The following SOX5 variants were observed in gnomAD, a reference collection of about 807,000 sequenced individuals.
SOX5 encodes transcription factor SOX-5.
Under a neutral mutation model 92.0 loss-of-function variants are expected in SOX5, and 9 were observed. The observed-to-expected ratio is 0.10, with a 90% confidence interval of 0.06 to 0.17. The LOEUF (loss-of-function observed/expected upper bound fraction) is 0.17, where lower values mean the gene tolerates loss of function less well. Ranked by LOEUF, SOX5 falls within the 10% of genes least tolerant of loss-of-function variation. The probability of loss-of-function intolerance (pLI) is 1.00; values close to 1 mark genes in which losing one functional copy is unlikely to be tolerated. For missense variants in SOX5, 642 were observed against 944.5 expected, an observed-to-expected ratio of 0.68 and a Z score of 4.20; for synonymous variants, 344 against 336.3, an observed-to-expected ratio of 1.02 and a Z score of -0.25.
intron 1 of SOX5, among the ~76,000 whole-genome samples, chr12:24,370,018 A>G (rs1376604694): frequency 6.6e-6 from 1 of 152,202 alleles, no homozygotes; most frequent in Non-Finnish European, 1.5e-5. Context: ...CCTATTCCCA[A>G]TAATAGATAT....
chr12:23,543,989 G>A (rs1285840322), intron 12 of SOX5, among the ~76,000 whole-genome samples: 1 of 152,198 alleles, frequency 6.6e-6, no homozygotes, highest in East Asian at 1.9e-4. Context: ...ATACAGCAAT[G>A]ACAGGTCTGC....
chr12:24,010,603 G>A (rs772979131), intron 4 of SOX5, among the ~76,000 whole-genome samples: 1 of 152,156 alleles, frequency 6.6e-6, no homozygotes, highest in Non-Finnish European at 1.5e-5. Flanking sequence ...GCTACCAAGT[G>A]CTGTGCATTT....
chr12:23,861,880 A>G (rs1015906561), intron 2 of SOX5, among the ~76,000 whole-genome samples: 1 of 152,190 alleles, frequency 6.6e-6, no homozygotes, highest in Non-Finnish European at 1.5e-5. Context: ...AATAATTAAA[A>G]AGATCCTATT....
intron 3 of SOX5, among the ~76,000 whole-genome samples, chr12:24,249,945 A>C (rs1939692844): frequency 6.6e-6 from 1 of 152,192 alleles, no homozygotes. Flanking sequence ...TAGTATCACG[A>C]TATTTAAACC....
intron 1 of SOX5, among the ~76,000 whole-genome samples, chr12:24,450,337 C>CT: frequency 6.6e-6 from 1 of 152,136 alleles, no homozygotes; most frequent in South Asian, 2.1e-4. Context: ...CAATCATCTT[C>CT]TTTTTTAATT....
chr12:23,757,500 C>T (rs1336178659), intron 3 of SOX5, among the ~76,000 whole-genome samples: 1 of 151,922 alleles, frequency 6.6e-6, no homozygotes, highest in East Asian at 1.9e-4. Flanking sequence ...TTCTACATTC[C>T]CAGTAAACAG....
intron 2 of SOX5, among the ~76,000 whole-genome samples, chr12:24,303,307 T>C (rs1948200472): frequency 6.6e-6 from 1 of 151,890 alleles, no homozygotes; most frequent in Non-Finnish European, 1.5e-5. Flanking sequence ...GTTAATAGCA[T>C]ATTACAGTAA....
intron 1 of SOX5, among the ~76,000 whole-genome samples, chr12:23,935,385 C>T (rs765876500): frequency 6.6e-6 from 1 of 151,254 alleles, no homozygotes; most frequent in African/African-American, 2.4e-5. Context: ...TTAAGAATTA[C>T]TATACTGTAA....
intron 4 of SOX5, among the ~76,000 whole-genome samples, chr12:24,034,285 G>T (rs946046639): frequency 6.6e-6 from 1 of 152,008 alleles, no homozygotes; most frequent in Non-Finnish European, 1.5e-5. Context: ...GGAAACAAAA[G>T]GCAGATTATT....
chr12:23,678,064 C>T (rs1422217994), intron 6 of SOX5, among the ~76,000 whole-genome samples: 1 of 152,078 alleles, frequency 6.6e-6, no homozygotes, highest in Non-Finnish European at 1.5e-5. Context: ...CTCACTAGAA[C>T]ACTTGTCACT....
intron 3 of SOX5, among the ~76,000 whole-genome samples, chr12:23,800,542 C>T (rs1220913300): frequency 6.6e-6 from 1 of 151,402 alleles, no homozygotes; most frequent in Non-Finnish European, 1.5e-5. Context: ...GTTTAGGTAT[C>T]ACTCTTTAAA....
At chr12:24,266,734 C>T (rs577332893) in intron 3 of SOX5, among the ~76,000 whole-genome samples, 1 of 152,230 alleles carries the variant, frequency 6.6e-6, no homozygotes, top group East Asian at 1.9e-4. Context: ...CCAGTTTTAA[C>T]AAAAATGGCA....
chr12:24,308,527 G>T (rs1399595262), intron 2 of SOX5, among the ~76,000 whole-genome samples: 4 of 152,166 alleles, frequency 2.6e-5, no homozygotes, highest in Non-Finnish European at 5.9e-5. Flanking sequence ...AAGAATCGAG[G>T]TTGCTGCAGA....
intron 4 of SOX5, among the ~76,000 whole-genome samples, chr12:24,128,707 T>A (rs1018644913): frequency 2.0e-5 from 3 of 152,124 alleles, no homozygotes; most frequent in African/African-American, 7.2e-5. Flanking sequence ...GCCTTTTTGG[T>A]CATGGCAAAG....
intron 1 of SOX5, among the ~76,000 whole-genome samples, chr12:24,526,131 G>A (rs866909304): frequency 5.9e-5 from 9 of 152,244 alleles, no homozygotes; most frequent in Middle Eastern, 3.4e-3. Flanking sequence ...ACAGGTGTGA[G>A]ACACTGCACC....
chr12:23,662,026 A>AT (rs1261110508), intron 7 of SOX5, among the ~76,000 whole-genome samples: 4 of 152,066 alleles, frequency 2.6e-5, no homozygotes, highest in Non-Finnish European at 5.9e-5. Context: ...TATTCAACTA[A>AT]TTTTTTTCTT....
intron 1 of SOX5, among the ~76,000 whole-genome samples, chr12:24,508,434 T>C (rs943694639): frequency 1.6e-4 from 25 of 152,004 alleles, no homozygotes; most frequent in Admixed American, 1.3e-4. Context: ...GACACTGAGA[T>C]ACAGAACTCA....
intron 4 of SOX5, among the ~76,000 whole-genome samples, chr12:24,006,690 T>G (rs922854253): frequency 6.6e-6 from 1 of 152,132 alleles, no homozygotes. Flanking sequence ...TTCTCCGATA[T>G]TACCTTTATC....
intron 1 of SOX5, among the ~76,000 whole-genome samples, chr12:24,395,775 C>A (rs1173671865): frequency 6.6e-6 from 1 of 152,138 alleles, no homozygotes; most frequent in Non-Finnish European, 1.5e-5. Flanking sequence ...TTGTCACACC[C>A]CTGCTTCTAA....
Sources: gnomAD v4.1 joint callset for allele counts (sites outside exome capture counted in the v4.1 genomes callset) on GRCh38, gnomAD v4.1.1 for gene constraint, MANE v1.5 for transcripts, NCBI Gene and HGNC (gene_info 2026-07-23, HGNC 2026-07-21) for gene names.